Variants in VPS13B observed in about 807,000 individuals in gnomAD.
The protein encoded by VPS13B is vacuolar protein sorting 13 homolog B.
Under a neutral mutation model 426.4 loss-of-function variants are expected in VPS13B, and 285 were observed. The observed-to-expected ratio is 0.67, with a 90% CI of 0.61 to 0.74. The LOEUF is 0.74. VPS13B is among the 30% of genes least tolerant of loss of function. VPS13B has a pLI of 0.00. For missense variants in VPS13B, 4,537 were observed against 4,782.6 expected, an observed-to-expected ratio of 0.95 and a Z score of 1.51; for synonymous variants, 1,676 against 1,676.4, an observed-to-expected ratio of 1.00 and a Z score of 0.01.
At chr8:99,548,199 G>T (rs1321028024) in intron 30 of VPS13B, among the ~76,000 whole-genome samples, 9 of 151,942 alleles carry the variant, frequency 5.9e-5, no homozygotes, top group Non-Finnish European at 1.0e-4. Context: ...TGTTGTTTGT[G>T]CTAGGAAAAC....
At chr8:99,229,768 T>G (rs1816223798) in intron 17 of VPS13B, among the ~76,000 whole-genome samples, 2 of 152,142 alleles carry the variant, frequency 1.3e-5, no homozygotes, top group Non-Finnish European at 2.9e-5. Flanking sequence ...GGTGTCATAC[T>G]CTAAAGCCTT....
intron 2 of VPS13B, among the ~76,000 whole-genome samples, chr8:99,028,274 TC>T (rs1288957429): frequency 1.3e-5 from 2 of 151,132 alleles, no homozygotes. Flanking sequence ...GCTCCTCACT[TC>T]CCAGTAGGGG....
chr8:99,670,875 T>G (rs537515336), intron 35 of VPS13B, among the ~76,000 whole-genome samples: 3 of 152,282 alleles, frequency 2.0e-5, no homozygotes, highest in Admixed American at 6.5e-5. Context: ...TCATCCTCTG[T>G]TCATCCACTG....
At chr8:99,754,085 GTTTTT>G (rs34681251) in intron 39 of VPS13B, among the ~76,000 whole-genome samples, 1 of 121,152 alleles carries the variant, frequency 8.3e-6, no homozygotes. Flanking sequence ...TAGTATAAGG[GTTTTT>G]TTTTTTTTTT....
intron 3 of VPS13B, among the ~76,000 whole-genome samples, chr8:99,069,758 A>G (rs1462901405): frequency 4.3e-4 from 66 of 152,190 alleles, no homozygotes; most frequent in Admixed American, 2.7e-3. Context: ...GAACTTGAGA[A>G]GGAAATTGGA....
At chr8:99,164,244 G>A (rs1306543975) in intron 15 of VPS13B, among the ~76,000 whole-genome samples, 1 of 152,138 alleles carries the variant, frequency 6.6e-6, no homozygotes, top group Non-Finnish European at 1.5e-5. Flanking sequence ...GAAATACAGG[G>A]CCCAAAGGTG....
At chr8:99,682,420 T>G (rs1478225462) in intron 35 of VPS13B, among the ~76,000 whole-genome samples, 1 of 152,206 alleles carries the variant, frequency 6.6e-6, no homozygotes, top group Non-Finnish European at 1.5e-5. Flanking sequence ...TTATAATACT[T>G]TTTTATATTT....
At chr8:99,390,253 A>G (rs1814362524) in intron 20 of VPS13B, among the ~76,000 whole-genome samples, 1 of 151,656 alleles carries the variant, frequency 6.6e-6, no homozygotes, top group Non-Finnish European at 1.5e-5. Context: ...ACCCGCCACC[A>G]TGCCTGGCTG....
At chr8:99,526,423 A>G (rs551704148) in intron 30 of VPS13B, among the ~76,000 whole-genome samples, 2 of 152,308 alleles carry the variant, frequency 1.3e-5, no homozygotes, top group South Asian at 4.1e-4. Flanking sequence ...GGGAAAGGGA[A>G]AAGCTATTGC....
At chr8:99,353,067 C>T (rs560128703) in intron 19 of VPS13B, among the ~76,000 whole-genome samples, 1 of 151,888 alleles carries the variant, frequency 6.6e-6, no homozygotes, top group African/African-American at 2.4e-5. Flanking sequence ...CTGCAACCTC[C>T]GCCTCCTAGA....
At chr8:99,578,130 T>C (rs1380349613) in intron 33 of VPS13B, among the ~76,000 whole-genome samples, 1 of 152,174 alleles carries the variant, frequency 6.6e-6, no homozygotes, top group African/African-American at 2.4e-5. Context: ...ACAGTGTTCA[T>C]TGGAAGCCTG....
chr8:99,765,067 G>A (rs1431084209), intron 39 of VPS13B, among the ~76,000 whole-genome samples: 10 of 152,168 alleles, frequency 6.6e-5, no homozygotes, highest in Admixed American at 4.6e-4. Flanking sequence ...CCAACATGGC[G>A]AAACCCCTTC....
At chr8:99,096,568 C>A (rs1846433221) in intron 4 of VPS13B, 136 bp downstream of exon 4, 1 of 1,238,018 alleles carries the variant, frequency 8.1e-7, no homozygotes, top group Non-Finnish European at 1.1e-6. Flanking sequence ...CCAGCCTGGC[C>A]AACATGGTGA....
At chr8:99,181,303 A>T (rs1314470948) in intron 16 of VPS13B, among the ~76,000 whole-genome samples, 3 of 152,214 alleles carry the variant, frequency 2.0e-5, no homozygotes, top group Non-Finnish European at 4.4e-5. Context: ...GAGTTAGTCT[A>T]TTAATCTGAA....
At chr8:99,382,876 G>A (rs921360518) in intron 19 of VPS13B, among the ~76,000 whole-genome samples, 1 of 152,094 alleles carries the variant, frequency 6.6e-6, no homozygotes, top group Non-Finnish European at 1.5e-5. Context: ...GTGAGAGAGG[G>A]CATCTTGTTT....
chr8:99,613,187 T>A (rs1451607247), intron 33 of VPS13B, among the ~76,000 whole-genome samples: 1 of 152,230 alleles, frequency 6.6e-6, no homozygotes, highest in Non-Finnish European at 1.5e-5. Flanking sequence ...AATGTGACTA[T>A]GTTGTTATAC....
intron 23 of VPS13B, among the ~76,000 whole-genome samples, chr8:99,445,049 C>T (rs1334532502): frequency 6.6e-6 from 1 of 151,964 alleles, no homozygotes; most frequent in Non-Finnish European, 1.5e-5. Context: ...GAACTCCTGA[C>T]CTTGTGACTT....
At chr8:99,678,161 T>G (rs1563858488) in intron 35 of VPS13B, among the ~76,000 whole-genome samples, 1 of 152,210 alleles carries the variant, frequency 6.6e-6, no homozygotes, top group Non-Finnish European at 1.5e-5. Context: ...TTTATCATAG[T>G]CTTCAAACTT....
chr8:99,292,617 A>C (rs980163513), intron 19 of VPS13B, among the ~76,000 whole-genome samples: 1 of 152,124 alleles, frequency 6.6e-6, no homozygotes, highest in Non-Finnish European at 1.5e-5. Context: ...ATAAAAGTTA[A>C]ACACATGGAC....
Sources: allele counts gnomAD v4.1 joint callset (sites outside exome capture counted in the v4.1 genomes callset), GRCh38; gene constraint gnomAD v4.1.1; transcripts MANE v1.5; gene names NCBI Gene and HGNC (gene_info 2026-07-23, HGNC 2026-07-21).